ZNF629: variants seen among roughly 807,000 people sequenced by gnomAD.
ZNF629 encodes DNA-binding protein.
In ZNF629, 9 loss-of-function variants were observed where a neutral mutation model predicts 59.7. That is an observed-to-expected ratio of 0.15 (90% CI 0.09 to 0.26). The LOEUF (loss-of-function observed/expected upper bound fraction) is 0.26, where lower values mean the gene tolerates loss of function less well. Ranked by LOEUF, ZNF629 falls within the 10% of genes least tolerant of loss-of-function variation. The pLI is 1.00. For synonymous variants in ZNF629, 509 were observed against 498.9 expected, an observed-to-expected ratio of 1.02 and a Z score of -0.27; for missense variants, 853 against 1,165.4, an observed-to-expected ratio of 0.73 and a Z score of 3.90.
In ZNF629 at chr16:30,781,973, C is replaced by T; in HGVS notation, c.2355G>A (p.Arg785=). The T allele has an allele frequency of 1.9e-6, 3 of 1,554,506 alleles. No homozygotes were observed. The highest frequency in any genetic ancestry group is 1.7e-6 in the Non-Finnish European group (2 of 1,151,182). Residue 785 remains arginine, a synonymous_variant, in exon 3 of 3, where the codon CGG becomes CGA. Coordinates refer to ENST00000262525, the MANE Select transcript of ZNF629 (RefSeq NM_001080417.3). Reference sequence around the variant, plus strand: ...TTTCCTGGGTGTGGGTTTCTTGGTGCCGGGTGAGGGCCACGCGGTCGAGGA... The same window carrying T: ...TTTCCTGGGTGTGGGTTTCTTGGTGTCGGGTGAGGGCCACGCGGTCGAGGA... ...ASFLDRVALT[R]HQETHTQEKP...
Position 30,783,659 on chromosome 16 carries a change from C to T in ZNF629, c.669G>A (p.Gln223=). The part of the protein sequence containing the change: ...KCFSWSSNLV[Q]HQRTHTGEKP... The stretch of plus-strand genomic sequence containing the variant: ...TCTCTCCCGTGTGCGTGCGCTGGTG[C>T]TGCACCAGGTTGGAGCTCCAGCTGA... Residue 223 remains glutamine, a synonymous_variant, in exon 3 of 3, where the codon CAG becomes CAA. Coordinates refer to ENST00000262525, the MANE Select transcript of ZNF629 (RefSeq NM_001080417.3). 1 of 1,613,694 alleles carries T rather than the reference C, an allele frequency of 6.2e-7. No individual in the cohort carries two copies. The highest frequency in any genetic ancestry group is 8.5e-7 in the Non-Finnish European group (1 of 1,179,794).
At position 30,784,519 on chromosome 16, in the gene ZNF629, CG is replaced by C; in HGVS notation, c.-33-5del. On this transcript the variant is annotated splice_polypyrimidine_tract_variant and splice_region_variant and intron_variant, in intron 1 of 2. Coordinates refer to ENST00000262525, the MANE Select transcript of ZNF629 (RefSeq NM_001080417.3). ...GGACTGCAGTGTTCCAGGGACCCTG[CG>C]GGGGAAGACAGCGATGAGCGCACAC... is the stretch of plus-strand genomic sequence containing the variant. The C allele has an allele frequency of 2.0e-6, 3 of 1,504,392 alleles. No individual in the cohort carries two copies. The highest frequency in any genetic ancestry group is 2.7e-6 in the Non-Finnish European group (3 of 1,129,152). The allele number at this position is 1,504,392 out of a possible 1,614,324, so 93.2% of individuals were successfully genotyped here.
chr16:30,786,996 A>AC lies in ZNF629; in HGVS notation c.-34+31dup. The AC allele has an allele frequency of 6.6e-6, 1 of 151,724 alleles. No homozygotes were observed. Among genetic ancestry groups the AC allele is most frequent in the Non-Finnish European group, 1.5e-5 (1 of 67,930 alleles). The allele number at this position is 151,724 out of a possible 1,614,324, so 9.4% of individuals were successfully genotyped here. ...GCGGCCGTCCCGGGCACTCCAGGCCACCCCCCGGGAACCCAGGCGTCCCCA... is the reference window on the plus strand; with the variant it reads ...GCGGCCGTCCCGGGCACTCCAGGCCACCCCCCCGGGAACCCAGGCGTCCCCA... On this transcript the variant is annotated intron_variant, in intron 1 of 2. Coordinates refer to ENST00000262525, the MANE Select transcript of ZNF629 (RefSeq NM_001080417.3). The surrounding 1 kb of genome is among the most constrained non-coding windows in gnomAD (Gnocchi z 4.8).
rs1246962989 is a variant in ZNF629 at position 30,786,890 on chromosome 16, C to A, written c.-34+138G>T. 1 of 151,956 alleles carries A rather than the reference C, an allele frequency of 6.6e-6. No homozygotes were observed. Among genetic ancestry groups the A allele is most frequent in the Non-Finnish European group, 1.5e-5 (1 of 67,942 alleles). 9.4% of individuals were successfully genotyped at this position (151,956 alleles called of 1,614,324 possible). On this transcript the variant is annotated intron_variant, in intron 1 of 2. Transcript: ENST00000262525. This position sits in a 1 kb window ranked among gnomAD's most constrained non-coding sequence, Gnocchi z 4.8. Reference sequence around the variant, plus strand: ...CCTCCGCGCCCCCCGCCCGCCCCCACCCCGGCCACAGCCCCGGGCGCGGGT... The same window carrying A: ...CCTCCGCGCCCCCCGCCCGCCCCCAACCCGGCCACAGCCCCGGGCGCGGGT...
In ZNF629 at chr16:30,783,456, T is replaced by A. The variant is rs2054302471; in HGVS notation, c.872A>T (p.Lys291Met). 1.7e-5 allele frequency: 28 copies of A among 1,613,706 alleles called. No individual in the cohort carries two copies. The East Asian group carries it at 6.2e-4, about 36-fold the overall frequency. The change falls in exon 3 of 3, where the codon AAG becomes ATG. Residue 291 changes from lysine to methionine, a missense_variant. Lys to Met is a moderately conservative substitution (Grantham distance 95). Around this residue, in one of 3 missense-constraint regions of ZNF629, gnomAD observed 201 missense variants for 536.5 expected, o/e 0.37. Coordinates refer to ENST00000262525, the MANE Select transcript of ZNF629 (RefSeq NM_001080417.3). ...GAAGCGCTTCCCGCACTCGGGGCACTTGTAGGGTTTCTCGCCTGTGTGGGT... is the reference window on the plus strand; with the variant it reads ...GAAGCGCTTCCCGCACTCGGGGCACATGTAGGGTTTCTCGCCTGTGTGGGT... ...QATHTGEKPY[K>M]CPECGKRFGQ...
In ZNF629 at chr16:30,782,077, T is replaced by C. The variant is rs781782437; in HGVS notation, c.2251A>G (p.Ser751Gly). The change falls in exon 3 of 3, where the codon AGC (serine) becomes GGC (glycine). Residue 751 changes from serine (S) to glycine (G), a missense_variant. By Grantham distance (56) the Ser-to-Gly change is moderately conservative. Coordinates refer to ENST00000262525, the MANE Select transcript of ZNF629 (RefSeq NM_001080417.3). ...SSQKSPELGK[S>G]SSVLLEHLRS... ...AGATGCTCCAGGAGGACGGAAGAGC[T>C]CTTCCCCAGCTCTGGACTCTTCTGG... 2.5e-6 allele frequency: 4 copies of C among 1,579,754 alleles called. No homozygotes were observed. The highest frequency in any genetic ancestry group is 2.6e-6 in the Non-Finnish European group (3 of 1,162,806).
At position 30,784,215 on chromosome 16, in the gene ZNF629, T is replaced by G. The variant is rs200819631; in HGVS notation, c.113A>C (p.Glu38Ala). The change falls in exon 3 of 3, where the codon GAA (glutamate) becomes GCA (alanine). Residue 38 changes from glutamate (E) to alanine (A), a missense_variant. Transcript: ENST00000262525. ...CATGATGATCTCCTCCCCAGAACTTTCCTGCCGAGGGCTCTCCTCTTCGTT... is the reference window on the plus strand; with the variant it reads ...CATGATGATCTCCTCCCCAGAACTTGCCTGCCGAGGGCTCTCCTCTTCGTT... ...SENEEESPRQESSGEEIIMGD... is the reference protein window; with the variant it reads ...SENEEESPRQASSGEEIIMGD... 1 of 1,607,392 alleles carries G rather than the reference T, an allele frequency of 6.2e-7. No homozygotes were observed. Among genetic ancestry groups the G allele is most frequent in the South Asian group, 1.1e-5 (1 of 90,286 alleles).
At chr16:30,784,660 G>C (rs527726338) in intron 1 of ZNF629, 145 bp from the exon 2 acceptor site, 2 of 629,672 alleles carry the variant, frequency 3.2e-6, no homozygotes, top group Non-Finnish European at 5.3e-6. Flanking sequence ...TTCTGGGCAC[G>C]GGTTCTTGCT....
chr16:30,783,895 C>T lies in ZNF629; in HGVS notation c.433G>A (p.Gly145Arg), dbSNP rs761539240. 1.3e-6 allele frequency: 2 copies of T among 1,598,704 alleles called. No homozygotes were observed. Among genetic ancestry groups the T allele is most frequent in the Non-Finnish European group, 8.5e-7 (1 of 1,171,656 alleles). Reference protein sequence around the residue: ...LRELVQGRPAGAEKPYICNEC... With the variant: ...LRELVQGRPARAEKPYICNEC... Reference sequence around the variant, plus strand: ...TTGCAGATGTAGGGCTTCTCCGCCCCCGCCGGGCGGCCCTGCACCAGCTCC... The same window carrying T: ...TTGCAGATGTAGGGCTTCTCCGCCCTCGCCGGGCGGCCCTGCACCAGCTCC... The change falls in exon 3 of 3, where the codon GGG (glycine) becomes AGG (arginine). Residue 145 changes from glycine to arginine, a missense_variant. By Grantham distance (125) the Gly-to-Arg change is moderately radical. This residue lies in a region of ZNF629 where 232 missense variants were observed against 193.4 expected (regional missense o/e 1.20). Transcript: ENST00000262525.
At position 30,782,230 on chromosome 16, in the gene ZNF629, C is replaced by G. The variant is rs200120193; in HGVS notation, c.2098G>C (p.Gly700Arg). The G allele has an allele frequency of 5.6e-6, 9 of 1,613,590 alleles. No homozygotes were observed. Among genetic ancestry groups the G allele is most frequent in the Non-Finnish European group, 7.6e-6 (9 of 1,179,858 alleles). Residue 700 changes from glycine to arginine, a missense_variant, in exon 3 of 3, where the codon GGG becomes CGG. Gly to Arg is a moderately radical substitution (Grantham distance 125). This residue lies in a region of ZNF629 where 420 missense variants were observed against 435.6 expected (regional missense o/e 0.96). Transcript: ENST00000262525. ...AAGGGGCTGGGCCCTGCGCCTTCCC[C>G]TAGGCCAATTCTATAATCAGGAAAG... is the stretch of plus-strand genomic sequence containing the variant. ...FLFPDYRIGL[G>R]EGAGPSPFLS...
Position 30,783,984 on chromosome 16 carries a change from T to A in ZNF629, c.344A>T (p.Gln115Leu). 1 of 1,577,088 alleles carries A rather than the reference T, an allele frequency of 6.3e-7. No individual in the cohort carries two copies. The change falls in exon 3 of 3, where the codon CAG (glutamine) becomes CTG (leucine). Residue 115 changes from glutamine to leucine, a missense_variant. Physicochemically the swap from Gln to Leu is moderately radical, Grantham distance 113. Transcript: ENST00000262525. ...GTTCCATGTGGTGAGAGCGCCCCACTGCCAGCTGGCCTCGCAGGCCTTGGT... is the reference window on the plus strand; with the variant it reads ...GTTCCATGTGGTGAGAGCGCCCCACAGCCAGCTGGCCTCGCAGGCCTTGGT... ...DWTKACEASW[Q>L]WGALTTWNSP...
At position 30,784,358 on chromosome 16, in the gene ZNF629, G is replaced by A. The variant is rs2054312722; in HGVS notation, c.73+52C>T. On this transcript the variant is annotated intron_variant, in intron 2 of 2. Transcript: ENST00000262525. ...TCCCCCAGAGTCCAGGCCCCTCCCTGAGCCGGGACCACCGTCTTGCCGGGA... is the reference window on the plus strand; with the variant it reads ...TCCCCCAGAGTCCAGGCCCCTCCCTAAGCCGGGACCACCGTCTTGCCGGGA... 1.5e-5 allele frequency: 23 copies of A among 1,545,350 alleles called. 1 individual carries two copies. In the South Asian group the frequency reaches 2.6e-4, roughly 18 times the overall value.
In ZNF629 at chr16:30,781,705, C is replaced by T; in HGVS notation, c.*13G>A. Reference sequence around the variant, plus strand: ...CTCTGGAGAGAGCGAGGCCCCTGGTCTCCAGACCCATTTCACAGGGAGACA... The same window carrying T: ...CTCTGGAGAGAGCGAGGCCCCTGGTTTCCAGACCCATTTCACAGGGAGACA... On this transcript the variant is annotated 3_prime_UTR_variant, in exon 3 of 3. Transcript: ENST00000262525. The T allele has an allele frequency of 1.3e-6, 2 of 1,599,168 alleles. No individual in the cohort carries two copies. Among genetic ancestry groups the T allele is most frequent in the Non-Finnish European group, 1.7e-6 (2 of 1,173,134 alleles).
rs973569330 is a variant in ZNF629, at chr16:30,787,166, C to G, written c.-172G>C. On this transcript the variant is annotated 5_prime_UTR_variant, in exon 1 of 3. Transcript: ENST00000262525. ...CAAGGGGTGATTCCAGGCTGAGGAC[C>G]CGGGGACCAGTTCAGGGTGACTGGG... The G allele has an allele frequency of 6.5e-6, 1 of 152,940 alleles. No individual in the cohort carries two copies. The highest frequency in any genetic ancestry group is 2.4e-5 in the African/African-American group (1 of 41,466). The allele number at this position is 152,940 out of a possible 1,614,324, so 9.5% of individuals were successfully genotyped here. A position where few individuals can be genotyped will look rare whatever the true frequency, so the allele number is the denominator to read the frequency against.
chr16:30,782,731 G>T lies in ZNF629; in HGVS notation c.1597C>A (p.Arg533=). 6.2e-7 allele frequency: 1 copy of T among 1,613,124 alleles called. No individual in the cohort carries two copies. ...FLEAHELEQH[R]VIHERGKTPA... ...GTCTTCCCCCTCTCATGGATCACCC[G>T]GTGCTGCTCCAGCTCGTGGGCTTCC... The change falls in exon 3 of 3, where the codon CGG becomes AGG. Residue 533 remains arginine (R), a synonymous_variant. Transcript: ENST00000262525.
In ZNF629 at chr16:30,783,651, C is replaced by T. The variant is rs1355481433; in HGVS notation, c.677G>A (p.Arg226His). Reference protein sequence around the residue: ...SWSSNLVQHQRTHTGEKPYKC... With the variant: ...SWSSNLVQHQHTHTGEKPYKC... ...GTAGGGCTTCTCTCCCGTGTGCGTG[C>T]GCTGGTGCTGCACCAGGTTGGAGCT... is the stretch of plus-strand genomic sequence containing the variant. Residue 226 changes from arginine (R) to histidine (H), a missense_variant, in exon 3 of 3, where the codon CGC (arginine) becomes CAC (histidine). Arg to His is a conservative substitution (Grantham distance 29, BLOSUM62 0). Around this residue, in one of 3 missense-constraint regions of ZNF629, gnomAD observed 201 missense variants for 536.5 expected, o/e 0.37. Transcript: ENST00000262525. 1 of 1,613,574 alleles carries T rather than the reference C, an allele frequency of 6.2e-7. No individual in the cohort carries two copies. Among genetic ancestry groups the T allele is most frequent in the African/African-American group, 1.3e-5 (1 of 74,810 alleles).
In ZNF629 at chr16:30,783,077, G is replaced by A. The variant is rs1158725084; in HGVS notation, c.1251C>T (p.Leu417=). 2.5e-6 allele frequency: 4 copies of A among 1,610,676 alleles called. No homozygotes were observed. The highest frequency in any genetic ancestry group is 3.4e-6 in the Non-Finnish European group (4 of 1,179,088). ...CGKSFSVSSN[L]INHQRIHRGE... Reference sequence around the variant, plus strand: ...CGCGGTGGATGCGCTGGTGGTTGATGAGGTTGGAGCTGACGCTGAAGCTCT... The same window carrying A: ...CGCGGTGGATGCGCTGGTGGTTGATAAGGTTGGAGCTGACGCTGAAGCTCT... The change falls in exon 3 of 3, where the codon CTC becomes CTT. Residue 417 remains leucine (L), a synonymous_variant. Transcript: ENST00000262525.
In ZNF629 at chr16:30,786,223, A is replaced by C. The variant is rs978806382; in HGVS notation, c.-34+805T>G. On this transcript the variant is annotated intron_variant, in intron 1 of 2. Transcript: ENST00000262525. This position sits in a 1 kb window ranked among gnomAD's most constrained non-coding sequence, Gnocchi z 4.8. Reference sequence around the variant, plus strand: ...CTCTGCAGCTACTTAAGCTCCGAGAATCCCCCCTCCCCGCCTGTAAGTGTC... The same window carrying C: ...CTCTGCAGCTACTTAAGCTCCGAGACTCCCCCCTCCCCGCCTGTAAGTGTC... Among the ~76,000 whole-genome samples, 1 of 152,088 alleles carries C rather than the reference A, an allele frequency of 6.6e-6. No homozygotes were observed. Among genetic ancestry groups the C allele is most frequent in the Admixed American group, 6.5e-5 (1 of 15,276 alleles).
rs1443231796 is a variant in ZNF629, at chr16:30,786,763, G to A, written c.-34+265C>T. 6.7e-6 allele frequency among the ~76,000 whole-genome samples: 1 copy of A among 148,290 alleles called. No individual in the cohort carries two copies. Among genetic ancestry groups the A allele is most frequent in the East Asian group, 1.9e-4 (1 of 5,138 alleles). On this transcript the variant is annotated intron_variant, in intron 1 of 2. Coordinates refer to ENST00000262525, the MANE Select transcript of ZNF629 (RefSeq NM_001080417.3). The surrounding 1 kb of genome is among the most constrained non-coding windows in gnomAD (Gnocchi z 4.8). ...AGCACTGCCAGGCTCCTCCAGGGCT[G>A]CGCTGGCAGCGCTGGTCCCCGGCCC...
Sources: allele counts gnomAD v4.1 joint callset (sites outside exome capture counted in the v4.1 genomes callset), GRCh38; gene constraint gnomAD v4.1.1; regional missense constraint gnomAD v4.1.1; non-coding constraint Gnocchi (gnomAD v3.1); transcripts MANE v1.5; gene names NCBI Gene and HGNC (gene_info 2026-07-23, HGNC 2026-07-21).